ERC2: variants seen among roughly 807,000 people sequenced by gnomAD.
The protein encoded by ERC2 is ERC protein 2.
A neutral mutation model predicts 114.8 loss-of-function variants in ERC2; 42 were observed. That is an observed-to-expected ratio of 0.37 (90% confidence interval 0.29 to 0.47). ERC2 has a LOEUF of 0.47. Among genes scored for constraint, ERC2 ranks in the 20% least tolerant of loss-of-function variants. ERC2 has a pLI of 0.99. For missense variants in ERC2, 939 were observed against 1,150.7 expected, an observed-to-expected ratio of 0.82 and a Z score of 2.66; for synonymous variants, 454 against 425.5, an observed-to-expected ratio of 1.07 and a Z score of -0.82.
At chr3:56,418,586 C>T (rs1230666088) in intron 2 of ERC2, among the ~76,000 whole-genome samples, 1 of 152,200 alleles carries the variant, frequency 6.6e-6, no homozygotes, top group Non-Finnish European at 1.5e-5. Context: ...ACAGTACCTA[C>T]TTCATAGGGT....
At chr3:56,360,839 C>T (rs538899250) in intron 2 of ERC2, among the ~76,000 whole-genome samples, 4 of 152,216 alleles carry the variant, frequency 2.6e-5, no homozygotes, top group Admixed American at 2.6e-4. Context: ...AACCAGGAGG[C>T]AGAGGTTGCA....
chr3:55,727,481 A>C (rs1350953425), intron 15 of ERC2, among the ~76,000 whole-genome samples: 1 of 152,244 alleles, frequency 6.6e-6, no homozygotes, highest in Non-Finnish European at 1.5e-5. Flanking sequence ...AACAAGTAGC[A>C]GAAAGTTAAT....
At position 55,550,908 on chromosome 3, in the gene ERC2, C is replaced by T. The variant is rs12635374; in HGVS notation, c.*40-39632G>A. On this transcript the variant is annotated intron_variant, in intron 17 of 17. Transcript: ENST00000288221. Reference sequence around the variant, plus strand: ...GTGGGTGCCTGTAGTCCCAGCTACTCGGGAGGCTGAGGCAGAAGAATGGCG... The same window carrying T: ...GTGGGTGCCTGTAGTCCCAGCTACTTGGGAGGCTGAGGCAGAAGAATGGCG... 7.8e-4 allele frequency among the ~76,000 whole-genome samples: 117 copies of T among 150,420 alleles called. 2 individuals carry two copies. In the East Asian group the frequency reaches 0.019, roughly 24 times the overall value.
chr3:56,406,417 C>A (rs1368672200), intron 2 of ERC2, among the ~76,000 whole-genome samples: 1 of 152,148 alleles, frequency 6.6e-6, no homozygotes, highest in Non-Finnish European at 1.5e-5. Flanking sequence ...GGGATGTACA[C>A]AAAGGGGTCG....
intron 14 of ERC2, among the ~76,000 whole-genome samples, chr3:55,846,217 G>A (rs2061356275): frequency 1.3e-5 from 2 of 152,096 alleles, no homozygotes; most frequent in South Asian, 4.1e-4. Flanking sequence ...CTCATCATTT[G>A]GCTCCCTCTT....
intron 3 of ERC2, among the ~76,000 whole-genome samples, chr3:56,239,131 C>A (rs1361440912): frequency 6.6e-6 from 1 of 152,168 alleles, no homozygotes; most frequent in Non-Finnish European, 1.5e-5. Context: ...CCTTAACCAC[C>A]TCCCAGCACT....
chr3:56,071,872 T>C (rs1037719580), intron 7 of ERC2, among the ~76,000 whole-genome samples: 5 of 152,158 alleles, frequency 3.3e-5, no homozygotes, highest in South Asian at 4.1e-4. Flanking sequence ...ACACACAAAG[T>C]GACTTTTGAA....
intron 17 of ERC2, among the ~76,000 whole-genome samples, chr3:55,616,102 A>C (rs1305894024): frequency 6.6e-6 from 1 of 152,192 alleles, no homozygotes; most frequent in African/African-American, 2.4e-5. Context: ...GATGTCCTTA[A>C]TCAGAACCAC....
At chr3:55,918,072 T>A (rs1241678382) in intron 13 of ERC2, among the ~76,000 whole-genome samples, 1 of 152,092 alleles carries the variant, frequency 6.6e-6, no homozygotes, top group African/African-American at 2.4e-5. Context: ...TCCCAGTATA[T>A]CTTCTATATC....
At chr3:55,847,027 A>G (rs1303886789) in intron 14 of ERC2, among the ~76,000 whole-genome samples, 1 of 152,232 alleles carries the variant, frequency 6.6e-6, no homozygotes. Context: ...ATGGGAAAAC[A>G]TAAATGTCAA....
chr3:55,513,284 G>A (rs766545167), intron 17 of ERC2, among the ~76,000 whole-genome samples: 6 of 152,316 alleles, frequency 3.9e-5, no homozygotes, highest in Admixed American at 2.6e-4. Flanking sequence ...CCATACTGGC[G>A]AGGCCCCATC....
intron 17 of ERC2, among the ~76,000 whole-genome samples, chr3:55,519,624 A>T (rs555004882): frequency 6.6e-6 from 1 of 152,150 alleles, no homozygotes; most frequent in South Asian, 2.1e-4. Flanking sequence ...ATGGCTCCCA[A>T]ACTTCCTTAT....
At chr3:55,956,632 CT>C (rs1274444368) in intron 12 of ERC2, among the ~76,000 whole-genome samples, 2 of 152,246 alleles carry the variant, frequency 1.3e-5, no homozygotes, top group East Asian at 3.9e-4. Context: ...CCTAACTCTC[CT>C]CCCAGCAAAG....
At chr3:56,378,202 A>ATAGGTGG (rs1448963121) in intron 2 of ERC2, among the ~76,000 whole-genome samples, 8 of 150,628 alleles carry the variant, frequency 5.3e-5, no homozygotes, top group Non-Finnish European at 8.9e-5. Flanking sequence ...CTGGATTAAG[A>ATAGGTGG]AAATGTGGCA....
At position 55,950,414 on chromosome 3, in the gene ERC2, C is replaced by A; in HGVS notation, c.2403+11G>T. On this transcript the variant is annotated intron_variant, in intron 13 of 17. Transcript: ENST00000288221. ...GTTATTTAGCGATTAAGAAGAGAAG[C>A]CTGTGCTTACCTGCAAATGCTGTGA... 3 of 1,613,778 alleles carry A rather than the reference C, an allele frequency of 1.9e-6. No individual in the cohort carries two copies. In the South Asian group the frequency reaches 3.3e-5, roughly 18 times the overall value.
chr3:55,710,391 A>C (rs1235260465), intron 15 of ERC2, among the ~76,000 whole-genome samples: 3 of 152,194 alleles, frequency 2.0e-5, no homozygotes, highest in African/African-American at 7.2e-5. Context: ...AATTTTGTGA[A>C]TCTGTGTGTG....
intron 15 of ERC2, among the ~76,000 whole-genome samples, chr3:55,731,311 A>G (rs2065240152): frequency 6.6e-6 from 1 of 152,246 alleles, no homozygotes; most frequent in Non-Finnish European, 1.5e-5. Flanking sequence ...AGTAATGATG[A>G]AATCAAAATT....
chr3:56,218,907 C>T (rs564470934), intron 3 of ERC2, among the ~76,000 whole-genome samples: 12 of 152,168 alleles, frequency 7.9e-5, no homozygotes, highest in East Asian at 1.9e-4. Context: ...CCAAACGCCG[C>T]GTGTTCTCAC....
At chr3:56,444,790 C>A (rs1036910210) in intron 1 of ERC2, among the ~76,000 whole-genome samples, 2 of 152,222 alleles carry the variant, frequency 1.3e-5, no homozygotes, top group African/African-American at 2.4e-5. Flanking sequence ...TGCTGACAGA[C>A]CGTGTGAGCT....
Sources: allele counts gnomAD v4.1 joint callset (sites outside exome capture counted in the v4.1 genomes callset), GRCh38; gene constraint gnomAD v4.1.1; transcripts MANE v1.5; gene names NCBI Gene and HGNC (gene_info 2026-07-23, HGNC 2026-07-21).